PUS10: variants seen among roughly 807,000 people sequenced by gnomAD.
The protein encoded by PUS10 is tRNA pseudouridine synthase Pus10.
In PUS10, 59 loss-of-function variants were observed where a neutral mutation model predicts 75.0. The observed-to-expected ratio is 0.79, with a 90% CI of 0.64 to 0.98. The LOEUF (loss-of-function observed/expected upper bound fraction) is 0.98, where lower values mean the gene tolerates loss of function less well. PUS10 is among the 50% of genes least tolerant of loss of function. The pLI, the probability that PUS10 is intolerant of heterozygous loss-of-function variation, is 0.00. For missense variants in PUS10, 650 were observed against 614.4 expected, an observed-to-expected ratio of 1.06 and a Z score of -0.61; for synonymous variants, 219 against 211.6, an observed-to-expected ratio of 1.03 and a Z score of -0.30.
At chr2:60,973,247 G>C (rs1471147621) in intron 4 of PUS10, among the ~76,000 whole-genome samples, 1 of 152,258 alleles carries the variant, frequency 6.6e-6, no homozygotes, top group Admixed American at 6.5e-5. Context: ...CACGGGGTTG[G>C]CTGGGGCGGC....
intron 17 of PUS10, among the ~76,000 whole-genome samples, chr2:60,943,022 C>A (rs966656576): frequency 2.9e-4 from 42 of 144,774 alleles, no homozygotes; most frequent in Non-Finnish European, 4.8e-4. Context: ...CAGAATGAGA[C>A]CCTATCTATC....
Position 61,018,100 on chromosome 2 carries a change from C to T in PUS10, c.-108G>A, listed in dbSNP as rs1680135339. 6 of 1,543,482 alleles carry T rather than the reference C, an allele frequency of 3.9e-6. No homozygotes were observed. On this transcript the variant is annotated 5_prime_UTR_variant, in exon 1 of 18. Coordinates refer to ENST00000316752, the MANE Select transcript of PUS10 (RefSeq NM_144709.4). ...GGAGCTCCTGGGCGTCTCTCTGGGT[C>T]TCTGTGCTTGAAAGAAAGGGGGGCG...
At chr2:60,976,901 T>A (rs1677064917) in intron 4 of PUS10, among the ~76,000 whole-genome samples, 1 of 152,026 alleles carries the variant, frequency 6.6e-6, no homozygotes, top group East Asian at 1.9e-4. Flanking sequence ...AACAAAAAAA[T>A]TTTTCCTCCC....
At chr2:61,015,396 A>T (rs748526919) in intron 1 of PUS10, among the ~76,000 whole-genome samples, 3 of 152,118 alleles carry the variant, frequency 2.0e-5, no homozygotes, top group Non-Finnish European at 4.4e-5. Flanking sequence ...GCTACTCGGG[A>T]GGTTGAGGCA....
intron 4 of PUS10, among the ~76,000 whole-genome samples, chr2:60,985,632 C>T (rs968051465): frequency 3.9e-5 from 6 of 151,908 alleles, no homozygotes; most frequent in African/African-American, 1.5e-4. Flanking sequence ...TCCCGAGTAG[C>T]GGGAATTACA....
chr2:60,957,025 T>G (rs1675718530), intron 11 of PUS10, among the ~76,000 whole-genome samples: 1 of 148,154 alleles, frequency 6.7e-6, no homozygotes. Flanking sequence ...GAAAAATGTT[T>G]CAAACCTGAA....
At chr2:60,971,377 T>G in intron 5 of PUS10, 146 bp downstream of exon 5, 1 of 718,328 alleles carries the variant, frequency 1.4e-6, no homozygotes, top group South Asian at 1.6e-5. Context: ...CCTAAATGTA[T>G]AGAATAAAAA....
Position 61,008,828 on chromosome 2 carries a change from T to C in PUS10, c.314A>G (p.Asn105Ser), listed in dbSNP as rs1679409731. The C allele has an allele frequency of 6.2e-7, 1 of 1,610,882 alleles. No individual in the cohort carries two copies. Among genetic ancestry groups the C allele is most frequent in the Non-Finnish European group, 8.5e-7 (1 of 1,177,948 alleles). The stretch of plus-strand genomic sequence containing the variant: ...TAGGCATACATTACATACATTTAAA[T>C]TTGAGTTCTTGGAAGCAGTGCTTCC... The part of the protein sequence containing the change: ...HVGSTASKNS[N>S]LNVCNVCLGI... Residue 105 changes from asparagine (N) to serine (S), a missense_variant, in exon 3 of 18, where the codon AAT (asparagine) becomes AGT (serine). Physicochemically the swap from Asn to Ser is conservative, Grantham distance 46. Transcript: ENST00000316752.
At chr2:60,992,553 C>T (rs1440043750) in intron 4 of PUS10, among the ~76,000 whole-genome samples, 1 of 152,158 alleles carries the variant, frequency 6.6e-6, no homozygotes, top group Non-Finnish European at 1.5e-5. Flanking sequence ...AATCAATACA[C>T]ATCATAACAC....
At chr2:60,943,626 A>ATG (rs148961510) in intron 17 of PUS10, among the ~76,000 whole-genome samples, 1 of 152,036 alleles carries the variant, frequency 6.6e-6, no homozygotes, top group Admixed American at 6.6e-5. Context: ...CTAAATAGCT[A>ATG]TGTGTGTGTG....
At chr2:60,967,269 A>T (rs1676395308) in intron 6 of PUS10, 1 of 351,532 alleles carries the variant, frequency 2.8e-6, no homozygotes. Flanking sequence ...CAATTAGGGC[A>T]CCTGGTACCT....
Position 61,008,758 on chromosome 2 carries a change from T to C in PUS10, c.381+3A>G, listed in dbSNP as rs1433508793. On this transcript the variant is annotated splice_donor_region_variant and intron_variant, in intron 3 of 17. Transcript: ENST00000316752. ...CACCTATAATGAAAAACAGGTTATTTACCTTTTTAATGAAATCTTTCTCAC... is the reference window on the plus strand; with the variant it reads ...CACCTATAATGAAAAACAGGTTATTCACCTTTTTAATGAAATCTTTCTCAC... The C allele has an allele frequency of 6.4e-7, 1 of 1,563,012 alleles. No individual in the cohort carries two copies. The highest frequency in any genetic ancestry group is 8.7e-7 in the Non-Finnish European group (1 of 1,149,810).
At chr2:60,954,906 T>C (rs1237970734) in intron 12 of PUS10, 112 bp downstream of exon 12, 5 of 623,518 alleles carry the variant, frequency 8.0e-6, no homozygotes, top group Middle Eastern at 2.6e-4. Context: ...TTGGAGAAGC[T>C]CTGGGCCTTG....
intron 4 of PUS10, among the ~76,000 whole-genome samples, chr2:61,003,576 G>A (rs1678998998): frequency 6.8e-6 from 1 of 146,494 alleles, no homozygotes; most frequent in African/African-American, 2.5e-5. Context: ...ACAGGGTCTT[G>A]CCCTGTCACC....
At chr2:60,942,997 C>T (rs1481410990) in intron 17 of PUS10, among the ~76,000 whole-genome samples, 1 of 149,172 alleles carries the variant, frequency 6.7e-6, no homozygotes, top group African/African-American at 2.5e-5. Context: ...CGCCACAGCA[C>T]TCCAGCCTGG....
At chr2:60,952,401 G>A (rs1459746594) in intron 15 of PUS10, among the ~76,000 whole-genome samples, 3 of 151,916 alleles carry the variant, frequency 2.0e-5, no homozygotes, top group Non-Finnish European at 4.4e-5. Flanking sequence ...GGGGCAGATG[G>A]CAAGAAGTAT....
intron 4 of PUS10, among the ~76,000 whole-genome samples, chr2:60,982,273 A>AT (rs1677443788): frequency 6.6e-6 from 1 of 151,536 alleles, no homozygotes; most frequent in South Asian, 2.1e-4. Flanking sequence ...TTATTTATTT[A>AT]TTTTTTGGAG....
chr2:60,947,054 CA>C (rs923252464), intron 16 of PUS10, among the ~76,000 whole-genome samples: 1 of 152,294 alleles, frequency 6.6e-6, no homozygotes, highest in African/African-American at 2.4e-5. Context: ...AGTTCTGATA[CA>C]AAAATCATAC....
chr2:61,001,929 C>T (rs781522064), intron 4 of PUS10, among the ~76,000 whole-genome samples: 2 of 151,982 alleles, frequency 1.3e-5, no homozygotes, highest in Non-Finnish European at 2.9e-5. Context: ...TTTTCTTTGC[C>T]TTTTCTTTGT....
Sources: allele counts gnomAD v4.1 joint callset (sites outside exome capture counted in the v4.1 genomes callset), GRCh38; gene constraint gnomAD v4.1.1; transcripts MANE v1.5; gene names NCBI Gene and HGNC (gene_info 2026-07-23, HGNC 2026-07-21).